The following ZNF774 variants were observed in gnomAD, a reference collection of about 807,000 sequenced individuals.
The protein encoded by ZNF774 is zinc finger protein 774.
A neutral mutation model predicts 11.1 loss-of-function variants in ZNF774; 14 were observed. The observed-to-expected ratio is 1.26, with a 90% CI of 0.83 to 1.97. ZNF774 has a LOEUF of 1.97. ZNF774 is among the 30% of genes most tolerant of loss of function. ZNF774 has a pLI of 0.00. For synonymous variants in ZNF774, 195 were observed against 212.6 expected (o/e 0.92, Z 0.72); for missense variants, 599 against 587.0 (o/e 1.02, Z -0.21).
In ZNF774 at chr15:90,358,906, C is replaced by T. The variant is rs1221730192; in HGVS notation, c.160C>T (p.Leu54=). The change falls in exon 3 of 4, where the codon CTA becomes TTA. Residue 54 remains leucine (L), a synonymous_variant. Coordinates refer to ENST00000354377, the MANE Select transcript of ZNF774 (RefSeq NM_001004309.3). ...QPEQKEEPWV[L]PLQNFEARKI... ...GGAGCAGAAAGAAGAGCCATGGGTC[C>T]TACCACTCCAAAACTTTGAGGCGAG... is the stretch of plus-strand genomic sequence containing the variant. 7 of 1,613,566 alleles carry T rather than the reference C, an allele frequency of 4.3e-6. No homozygotes were observed. The highest frequency in any genetic ancestry group is 2.2e-5 in the South Asian group (2 of 91,078).
chr15:90,356,794 C>T (rs911654319), intron 2 of ZNF774, among the ~76,000 whole-genome samples: 1 of 152,150 alleles, frequency 6.6e-6, no homozygotes, highest in Non-Finnish European at 1.5e-5. Context: ...TGAAGTCAAA[C>T]ATTAGATTGA....
Position 90,360,796 on chromosome 15 carries a change from C to T in ZNF774, c.965C>T (p.Pro322Leu), listed in dbSNP as rs143758685. The change falls in exon 4 of 4, where the codon CCG becomes CTG. Residue 322 changes from proline (P) to leucine (L), a missense_variant. By Grantham distance (98) the Pro-to-Leu change is moderately conservative. Coordinates refer to ENST00000354377, the MANE Select transcript of ZNF774 (RefSeq NM_001004309.3). ...THTGERPFKC[P>L]ECGKGFRDSS... ...ACGGGAGAACGGCCCTTCAAATGCC[C>T]GGAGTGCGGGAAGGGCTTCAGAGAT... is the stretch of plus-strand genomic sequence containing the variant. 269 of 1,613,940 alleles carry T rather than the reference C, an allele frequency of 1.7e-4. 1 individual carries two copies. Among genetic ancestry groups the T allele is most frequent in the Non-Finnish European group, 2.2e-4 (262 of 1,180,008 alleles).
At chr15:90,353,619 CAG>C (rs1392071584) in intron 1 of ZNF774, among the ~76,000 whole-genome samples, 7 of 149,876 alleles carry the variant, frequency 4.7e-5, no homozygotes, top group Admixed American at 1.3e-4. Flanking sequence ...AAGGGAGAGA[CAG>C]GGGCTCACTC....
In ZNF774 at chr15:90,362,662, C is replaced by A; in HGVS notation, c.*1379C>A. 1.4e-5 allele frequency: 19 copies of A among 1,350,716 alleles called. No homozygotes were observed. The highest frequency in any genetic ancestry group is 1.9e-5 in the Non-Finnish European group (19 of 978,586). The allele number at this position is 1,350,716 out of a possible 1,614,324, so 83.7% of individuals were successfully genotyped here. On this transcript the variant is annotated 3_prime_UTR_variant, in exon 4 of 4. Coordinates refer to ENST00000354377, the MANE Select transcript of ZNF774 (RefSeq NM_001004309.3). ...AGAAGGTAAAGTATTTGAGTCCTGG[C>A]CCTGACGCTTAATTTGGCCAGACTT...
At position 90,358,973 on chromosome 15, in the gene ZNF774, T is replaced by C. The variant is rs1218563006; in HGVS notation, c.211+16T>C. On this transcript the variant is annotated intron_variant, in intron 3 of 3. Transcript: ENST00000354377. ...AGCCACACAGGTGAGATGTGAGTGC[T>C]CCCCAGTGGAAGGAAATCTAGCATT... The C allele has an allele frequency of 1.3e-6, 2 of 1,591,558 alleles. No homozygotes were observed. The highest frequency in any genetic ancestry group is 2.2e-5 in the East Asian group (1 of 44,566).
rs2151683640 is a variant in ZNF774 at position 90,361,586 on chromosome 15, G to C, written c.*303G>C. On this transcript the variant is annotated 3_prime_UTR_variant, in exon 4 of 4. Coordinates refer to ENST00000354377, the MANE Select transcript of ZNF774 (RefSeq NM_001004309.3). ...CAGCACTTTTGGGAGGCCAAGGTGGGTGGATCACTTGAGGTCAGGAGTTGA... is the reference window on the plus strand; with the variant it reads ...CAGCACTTTTGGGAGGCCAAGGTGGCTGGATCACTTGAGGTCAGGAGTTGA... 8 of 1,029,198 alleles carry C rather than the reference G, an allele frequency of 7.8e-6. No homozygotes were observed. The highest frequency in any genetic ancestry group is 9.5e-6 in the Non-Finnish European group (8 of 842,080). The allele number at this position is 1,029,198 out of a possible 1,614,324, so 63.8% of individuals were successfully genotyped here. A position where few individuals can be genotyped will look rare whatever the true frequency, so the allele number is the denominator to read the frequency against.
chr15:90,360,926 C>G lies in ZNF774; in HGVS notation c.1095C>G (p.His365Gln), dbSNP rs1964324424. Residue 365 changes from histidine (H) to glutamine (Q), a missense_variant, in exon 4 of 4, where the codon CAC (histidine) becomes CAG (glutamine). His to Gln is a conservative substitution (Grantham distance 24). Transcript: ENST00000354377. ...GTCAGAGCTCACATTTGGTCACGCA[C>G]CAAAGAACACACACAGGTGAGAGAC... ...SFSQSSHLVT[H>Q]QRTHTGERPF... 6.2e-7 allele frequency: 1 copy of G among 1,613,952 alleles called. No homozygotes were observed. Among genetic ancestry groups the G allele is most frequent in the African/African-American group, 1.3e-5 (1 of 74,948 alleles).
Position 90,361,139 on chromosome 15 carries a change from T to TGGCAAGACCTTCAATCAGC in ZNF774, c.1310_1328dup (p.Ser444GlnfsTer25), listed in dbSNP as rs746096733. ...ACAGGCCCTATCGATGTCCTGAGTG[T>TGGCAAGACCTTCAATCAGC]GGCAAGACCTTCAATCAGCGTTCCC... is the stretch of plus-strand genomic sequence containing the variant. On this transcript the variant is annotated frameshift_variant, in exon 4 of 4. Transcript: ENST00000354377. LOFTEE classifies it low-confidence loss of function (END_TRUNC). 1 of 1,611,092 alleles carries TGGCAAGACCTTCAATCAGC rather than the reference T, an allele frequency of 6.2e-7. No homozygotes were observed. The highest frequency in any genetic ancestry group is 1.1e-5 in the South Asian group (1 of 91,078).
chr15:90,356,506 T>G (rs1233901835), intron 2 of ZNF774, among the ~76,000 whole-genome samples: 1 of 152,168 alleles, frequency 6.6e-6, no homozygotes, highest in Non-Finnish European at 1.5e-5. Context: ...CTACTTCATC[T>G]ATTATACAAG....
At chr15:90,354,530 C>T in intron 1 of ZNF774, 112 bp from the exon 2 acceptor site, 1 of 656,140 alleles carries the variant, frequency 1.5e-6, no homozygotes, top group Non-Finnish European at 2.7e-6. Context: ...CAGGACCATT[C>T]TGGTCAGGTG....
intron 3 of ZNF774, among the ~76,000 whole-genome samples, chr15:90,359,734 C>T (rs979405380): frequency 2.0e-5 from 3 of 152,222 alleles, no homozygotes; most frequent in Non-Finnish European, 4.4e-5. Flanking sequence ...GGATTATAGG[C>T]GTGAGCCACC....
chr15:90,359,967 T>C (rs1293516647), intron 3 of ZNF774, 76 bp from the exon 4 acceptor site: 1 of 1,475,672 alleles, frequency 6.8e-7, no homozygotes, highest in Non-Finnish European at 9.1e-7. Flanking sequence ...GGGATTTTAA[T>C]CTTTGTCACT....
In ZNF774 at chr15:90,361,528, C is replaced by T; in HGVS notation, c.*245C>T. On this transcript the variant is annotated 3_prime_UTR_variant, in exon 4 of 4. Transcript: ENST00000354377. Reference sequence around the variant, plus strand: ...GGAAATGTGAGTTTAATAGTTGATGCCCGCCAGGCGTGGTGGCTCACCCCT... The same window carrying T: ...GGAAATGTGAGTTTAATAGTTGATGTCCGCCAGGCGTGGTGGCTCACCCCT... 1.6e-6 allele frequency: 2 copies of T among 1,224,178 alleles called. No individual in the cohort carries two copies. The highest frequency in any genetic ancestry group is 2.0e-6 in the Non-Finnish European group (2 of 978,834). 75.8% of individuals were successfully genotyped at this position (1,224,178 alleles called of 1,614,324 possible). A position where few individuals can be genotyped will look rare whatever the true frequency, so the allele number is the denominator to read the frequency against.
rs1964348874 is a variant in ZNF774, at chr15:90,362,388, G to A, written c.*1105G>A. 2 of 654,184 alleles carry A rather than the reference G, an allele frequency of 3.1e-6. No homozygotes were observed. Among genetic ancestry groups the A allele is most frequent in the Admixed American group, 2.5e-5 (1 of 40,404 alleles). 40.5% of individuals were successfully genotyped at this position (654,184 alleles called of 1,614,324 possible). Reference sequence around the variant, plus strand: ...GAACAAGCCAGAGGGACCTGGTAGAGGACTATAAAATTGTGGAAGCAAAAT... The same window carrying A: ...GAACAAGCCAGAGGGACCTGGTAGAAGACTATAAAATTGTGGAAGCAAAAT... On this transcript the variant is annotated 3_prime_UTR_variant, in exon 4 of 4. Coordinates refer to ENST00000354377, the MANE Select transcript of ZNF774 (RefSeq NM_001004309.3).
At chr15:90,354,316 TAC>T (rs1964214733) in intron 1 of ZNF774, among the ~76,000 whole-genome samples, 1 of 152,212 alleles carries the variant, frequency 6.6e-6, no homozygotes, top group East Asian at 1.9e-4. Context: ...GAAATCAAAT[TAC>T]ACCTGCCAAC....
chr15:90,360,770 C>T lies in ZNF774; in HGVS notation c.939C>T (p.His313=), dbSNP rs1964320756. 1 of 1,614,180 alleles carries T rather than the reference C, an allele frequency of 6.2e-7. No homozygotes were observed. Among genetic ancestry groups the T allele is most frequent in the African/African-American group, 1.3e-5 (1 of 75,030 alleles). ...SSDLIKHQRT[H]TGERPFKCPE... ...ATTTGATTAAGCACCAACGAACCCA[C>T]ACGGGAGAACGGCCCTTCAAATGCC... Residue 313 remains histidine, a synonymous_variant, in exon 4 of 4, where the codon CAC becomes CAT. Coordinates refer to ENST00000354377, the MANE Select transcript of ZNF774 (RefSeq NM_001004309.3).
At position 90,360,044 on chromosome 15, in the gene ZNF774, C is replaced by G; in HGVS notation, c.213C>G (p.Asp71Glu). The part of the protein sequence containing the change: ...ARKIPRESHT[D>E]CEHQVAKLNQ... ...CTGTTACTTACATTAATTTTTCAGA[C>G]TGTGAGCATCAGGTGGCAAAGCTCA... Residue 71 changes from aspartate to glutamate, a missense_variant and splice_region_variant, in exon 4 of 4, where the codon GAC (aspartate) becomes GAG (glutamate). By Grantham distance (45) the Asp-to-Glu change is conservative. Transcript: ENST00000354377. 1 of 1,596,442 alleles carries G rather than the reference C, an allele frequency of 6.3e-7. No homozygotes were observed. The highest frequency in any genetic ancestry group is 2.2e-5 in the East Asian group (1 of 44,612).
intron 2 of ZNF774, 57 bp downstream of exon 2, chr15:90,354,821 G>A (rs1964221920): frequency 7.2e-7 from 1 of 1,382,944 alleles, no homozygotes; most frequent in Non-Finnish European, 1.0e-6. Flanking sequence ...TTGAGACGGG[G>A]TCTCGCTCTG....
Position 90,361,486 on chromosome 15 carries a change from GTGTGAC to G in ZNF774, c.*206_*211del, listed in dbSNP as rs1397454479. The G allele has an allele frequency of 7.3e-7, 1 of 1,361,416 alleles. No homozygotes were observed. The highest frequency in any genetic ancestry group is 3.2e-5 in the Admixed American group (1 of 31,008). The allele number at this position is 1,361,416 out of a possible 1,614,324, so 84.3% of individuals were successfully genotyped here. ...CGAATACAAAAGGCATTCCTTCAGT[GTGTGAC>G]TGACTCTTAGGGAAATGTGAGTTTA... On this transcript the variant is annotated 3_prime_UTR_variant, in exon 4 of 4. Transcript: ENST00000354377.
Sources: gnomAD v4.1 joint callset for allele counts (sites outside exome capture counted in the v4.1 genomes callset) on GRCh38, gnomAD v4.1.1 for gene constraint, MANE v1.5 for transcripts, NCBI Gene and HGNC (gene_info 2026-07-23, HGNC 2026-07-21) for gene names.